The following GLRA3 variants were observed in gnomAD, a reference collection of about 807,000 sequenced individuals.
The protein encoded by GLRA3 is glycine receptor alpha 3, also known as glycine receptor subunit alpha-3.
A neutral mutation model predicts 60.4 loss-of-function variants in GLRA3; 44 were observed. The ratio of observed to expected loss-of-function variants is 0.73; its 90% CI spans 0.57 to 0.94. The LOEUF (loss-of-function observed/expected upper bound fraction) is 0.94. GLRA3 is among the 40% of genes least tolerant of loss of function. The probability of loss-of-function intolerance (pLI) is 0.00; values close to 1 mark genes in which losing one functional copy is unlikely to be tolerated. For missense variants in GLRA3, 508 were observed against 564.6 expected (o/e 0.90, Z 1.02); for synonymous variants, 223 against 192.9 (o/e 1.16, Z -1.29).
chr4:174,765,943 C>CTT lies in GLRA3; in HGVS notation c.267+1018_267+1019dup, dbSNP rs34228405. Among the ~76,000 whole-genome samples the CTT allele has an allele frequency of 5.3e-3, 784 of 147,482 alleles. 6 individuals carry two copies. The highest frequency in any genetic ancestry group is 0.018 in the African/African-American group (742 of 40,196). ...TATATTGCATACATGAGGGAAACAG[C>CTT]TTTTTTTTTTTAAATGATGCCTGTA... is the stretch of plus-strand genomic sequence containing the variant. On this transcript the variant is annotated intron_variant, in intron 3 of 9. Coordinates refer to ENST00000274093, the MANE Select transcript of GLRA3 (RefSeq NM_006529.4).
chr4:174,745,282 T>C (rs1737197245), intron 3 of GLRA3, among the ~76,000 whole-genome samples: 1 of 152,202 alleles, frequency 6.6e-6, no homozygotes, highest in Non-Finnish European at 1.5e-5. Flanking sequence ...GACATCCATA[T>C]ACAGGAGGCC....
chr4:174,784,055 A>C (rs1056503124), intron 2 of GLRA3, among the ~76,000 whole-genome samples: 5 of 149,846 alleles, frequency 3.3e-5, no homozygotes, highest in African/African-American at 1.2e-4. Context: ...CATAGCAAAG[A>C]CTTGGAACCA....
intron 6 of GLRA3, among the ~76,000 whole-genome samples, chr4:174,677,822 C>A (rs1453409499): frequency 6.6e-6 from 1 of 152,114 alleles, no homozygotes; most frequent in Non-Finnish European, 1.5e-5. Context: ...TTTATTACTT[C>A]CGACTTGAAA....
At chr4:174,779,032 A>T (rs1028800095) in intron 2 of GLRA3, among the ~76,000 whole-genome samples, 10 of 151,876 alleles carry the variant, frequency 6.6e-5, no homozygotes, top group Admixed American at 1.3e-4. Context: ...ACAGACAAAC[A>T]AAAAGACAGC....
At position 174,638,892 on chromosome 4, in the gene GLRA3, G is replaced by T. The variant is rs571369604; in HGVS notation, c.*4894C>A. Reference sequence around the variant, plus strand: ...CTTCTATGTTGGACACCAAGCATATGTATGTATTTTTAAAATGTGTAAGGA... The same window carrying T: ...CTTCTATGTTGGACACCAAGCATATTTATGTATTTTTAAAATGTGTAAGGA... On this transcript the variant is annotated 3_prime_UTR_variant, in exon 10 of 10. Coordinates refer to ENST00000274093, the MANE Select transcript of GLRA3 (RefSeq NM_006529.4). 6.6e-6 allele frequency: 1 copy of T among 152,282 alleles called. No individual in the cohort carries two copies. The highest frequency in any genetic ancestry group is 6.5e-5 in the Admixed American group (1 of 15,294). The allele number at this position is 152,282 out of a possible 1,614,324, so 9.4% of individuals were successfully genotyped here. A position where few individuals can be genotyped will look rare whatever the true frequency, so the allele number is the denominator to read the frequency against.
At chr4:174,823,203 C>A (rs1304494472) in intron 1 of GLRA3, among the ~76,000 whole-genome samples, 2 of 151,176 alleles carry the variant, frequency 1.3e-5, no homozygotes, top group East Asian at 3.9e-4. Context: ...AAGCCACAGG[C>A]TGTACCATCC....
chr4:174,743,611 G>C (rs1737112326), intron 3 of GLRA3, among the ~76,000 whole-genome samples: 1 of 152,070 alleles, frequency 6.6e-6, no homozygotes, highest in South Asian at 2.1e-4. Context: ...CTGTTTCATG[G>C]GTGATGTTTA....
rs1374768133 is a variant in GLRA3 at position 174,746,138 on chromosome 4, C to CT, written c.268-17441dup. ...ACCACACAATCCAGCAATCTTACTA[C>CT]TGGGTATCTATCCAAAGGAAAATAA... On this transcript the variant is annotated intron_variant, in intron 3 of 9. Transcript: ENST00000274093. Among the ~76,000 whole-genome samples the CT allele has an allele frequency of 1.3e-5, 2 of 152,138 alleles. 1 individual carries two copies. Among genetic ancestry groups the CT allele is most frequent in the Admixed American group, 1.3e-4 (2 of 15,266 alleles).
intron 3 of GLRA3, among the ~76,000 whole-genome samples, chr4:174,756,308 T>G (rs2111208759): frequency 6.6e-6 from 1 of 152,196 alleles, no homozygotes; most frequent in African/African-American, 2.4e-5. Context: ...TGTAAGAAAA[T>G]AATAGTTCAA....
intron 1 of GLRA3, among the ~76,000 whole-genome samples, chr4:174,800,508 G>C (rs1175392600): frequency 6.6e-6 from 1 of 151,812 alleles, no homozygotes; most frequent in Non-Finnish European, 1.5e-5. Flanking sequence ...TGCATCTCCT[G>C]ATTTCATTTA....
chr4:174,750,057 GC>G (rs1737406585), intron 3 of GLRA3, among the ~76,000 whole-genome samples: 1 of 152,010 alleles, frequency 6.6e-6, no homozygotes, highest in Non-Finnish European at 1.5e-5. Flanking sequence ...TTCCATCACT[GC>G]CCTCATGGAG....
chr4:174,790,020 G>C (rs1307356415), intron 1 of GLRA3, among the ~76,000 whole-genome samples: 1 of 152,182 alleles, frequency 6.6e-6, no homozygotes, highest in Admixed American at 6.5e-5. Flanking sequence ...TCATCATTAA[G>C]TTGTTTACCA....
At chr4:174,779,684 G>A (rs574497066) in intron 2 of GLRA3, among the ~76,000 whole-genome samples, 8 of 152,262 alleles carry the variant, frequency 5.3e-5, no homozygotes, top group African/African-American at 1.7e-4. Context: ...CTCAGGAGCC[G>A]ATGCGATCAA....
intron 2 of GLRA3, among the ~76,000 whole-genome samples, chr4:174,774,018 G>A (rs1738496005): frequency 6.6e-6 from 1 of 152,152 alleles, no homozygotes; most frequent in Non-Finnish European, 1.5e-5. Context: ...AGATGGGCAA[G>A]GTGTGTGTCT....
At chr4:174,722,487 T>C (rs1228062170) in intron 4 of GLRA3, 2 of 152,254 alleles carry the variant, frequency 1.3e-5, no homozygotes, top group East Asian at 3.8e-4. Flanking sequence ...TTCCCCTATG[T>C]TGACGTAGGT....
In GLRA3 at chr4:174,640,753, A is replaced by C. The variant is rs1049847757; in HGVS notation, c.*3033T>G. 3.3e-5 allele frequency: 5 copies of C among 152,046 alleles called. No individual in the cohort carries two copies. The highest frequency in any genetic ancestry group is 7.4e-5 in the Non-Finnish European group (5 of 67,970). The allele number at this position is 152,046 out of a possible 1,614,324, so 9.4% of individuals were successfully genotyped here. On this transcript the variant is annotated 3_prime_UTR_variant, in exon 10 of 10. Coordinates refer to ENST00000274093, the MANE Select transcript of GLRA3 (RefSeq NM_006529.4). ...GGATATATAAATATACAAGCAATTAAATTCCAAATTAAGATAAAAGTTATT... is the reference window on the plus strand; with the variant it reads ...GGATATATAAATATACAAGCAATTACATTCCAAATTAAGATAAAAGTTATT...
intron 3 of GLRA3, among the ~76,000 whole-genome samples, chr4:174,744,457 C>T (rs1296607896): frequency 1.3e-5 from 2 of 152,240 alleles, no homozygotes; most frequent in Non-Finnish European, 2.9e-5. Context: ...GACTGGCCCA[C>T]CTGGCGTCCC....
At chr4:174,727,210 G>A (rs1211925914) in intron 4 of GLRA3, among the ~76,000 whole-genome samples, 1 of 152,142 alleles carries the variant, frequency 6.6e-6, no homozygotes, top group African/African-American at 2.4e-5. Flanking sequence ...ATGGGATAAA[G>A]CATTATTTAT....
At position 174,637,564 on chromosome 4, in the gene GLRA3, G is replaced by A. The variant is rs909312450; in HGVS notation, c.*6222C>T. ...TCCCTAGTATTAACCACCCAGGCTG[G>A]ATACTGTGTATGTGAGCGGGGTTGC... On this transcript the variant is annotated 3_prime_UTR_variant, in exon 10 of 10. Coordinates refer to ENST00000274093, the MANE Select transcript of GLRA3 (RefSeq NM_006529.4). 4 of 142,200 alleles carry A rather than the reference G, an allele frequency of 2.8e-5. No individual in the cohort carries two copies. The highest frequency in any genetic ancestry group is 9.8e-5 in the African/African-American group (4 of 40,716). 8.8% of individuals were successfully genotyped at this position (142,200 alleles called of 1,614,324 possible).
Sources: allele counts gnomAD v4.1 joint callset (sites outside exome capture counted in the v4.1 genomes callset), GRCh38; gene constraint gnomAD v4.1.1; transcripts MANE v1.5; gene names NCBI Gene and HGNC (gene_info 2026-07-23, HGNC 2026-07-21).